KLF12: variants seen among roughly 807,000 people sequenced by gnomAD.
The protein encoded by KLF12 is Krueppel-like factor 12.
A neutral mutation model predicts 37.8 loss-of-function variants in KLF12; 9 were observed. The ratio of observed to expected loss-of-function variants is 0.24; its 90% confidence interval spans 0.14 to 0.42. KLF12 has a LOEUF of 0.42. Among genes scored for constraint, KLF12 ranks in the 10% least tolerant of loss-of-function variants. The pLI, the probability that KLF12 is intolerant of heterozygous loss-of-function variation, is 1.00. For synonymous variants in KLF12, 208 were observed against 202.1 expected (o/e 1.03, Z -0.25); for missense variants, 411 against 516.0 (o/e 0.80, Z 1.97).
the KLF12 span, among the ~76,000 whole-genome samples, chr13:74,220,513 T>C: frequency 2.0e-5 from 3 of 152,248 alleles, no homozygotes; most frequent in Admixed American, 6.5e-5. Context: ...TTAGCTCACA[T>C]ACCTATCATT....
chr13:73,949,515 T>C (rs1454547189), intron 2 of KLF12, among the ~76,000 whole-genome samples: 1 of 152,244 alleles, frequency 6.6e-6, no homozygotes, highest in African/African-American at 2.4e-5. Flanking sequence ...ATCTCATAAT[T>C]AATTTAGCCA....
intron 1 of KLF12, among the ~76,000 whole-genome samples, chr13:74,105,196 TAAGA>T (rs1876586152): frequency 6.6e-6 from 1 of 152,216 alleles, no homozygotes; most frequent in Non-Finnish European, 1.5e-5. Context: ...TGACGGTCTA[TAAGA>T]AAGATCTGGA....
Position 74,071,938 on chromosome 13 carries a change from T to C in KLF12, c.-32+61801A>G, listed in dbSNP as rs751648286. 3.3e-5 allele frequency among the ~76,000 whole-genome samples: 5 copies of C among 152,122 alleles called. No homozygotes were observed. In the East Asian group the frequency reaches 5.8e-4, roughly 18 times the overall value. ...TTAACAGAAGAGTGTTAGTGTAATG[T>C]AATGAATAGCATCTTCTAAATTTTC... On this transcript the variant is annotated intron_variant, in intron 1 of 7. Transcript: ENST00000377669.
At chr13:73,747,110 C>A (rs1292029486) in intron 6 of KLF12, among the ~76,000 whole-genome samples, 1 of 152,158 alleles carries the variant, frequency 6.6e-6, no homozygotes, top group South Asian at 2.1e-4. Flanking sequence ...AGCCACTACT[C>A]CTGGCATTTT....
chr13:74,074,607 C>T (rs750147627), intron 1 of KLF12, among the ~76,000 whole-genome samples: 4 of 152,104 alleles, frequency 2.6e-5, no homozygotes, highest in Admixed American at 6.6e-5. Flanking sequence ...AATACCATCA[C>T]ATTGGCCATG....
At chr13:73,803,513 C>T (rs1041328306) in intron 5 of KLF12, among the ~76,000 whole-genome samples, 2 of 152,108 alleles carry the variant, frequency 1.3e-5, no homozygotes, top group Non-Finnish European at 2.9e-5. Context: ...ATCCTTCTTG[C>T]TTCACCACCA....
chr13:73,925,047 A>AG (rs1157587800), intron 3 of KLF12, among the ~76,000 whole-genome samples: 5 of 152,222 alleles, frequency 3.3e-5, no homozygotes, highest in Non-Finnish European at 7.3e-5. Context: ...ATGAGGTTTA[A>AG]GGACAGAAAC....
the KLF12 span, among the ~76,000 whole-genome samples, chr13:74,278,490 C>A: frequency 6.6e-6 from 1 of 152,140 alleles, no homozygotes; most frequent in African/African-American, 2.4e-5. Context: ...ATCTGTCAGC[C>A]TAGGTTTTGC....
intron 1 of KLF12, among the ~76,000 whole-genome samples, chr13:74,108,208 A>G (rs1566215831): frequency 6.6e-6 from 1 of 151,818 alleles, no homozygotes; most frequent in African/African-American, 2.4e-5. Context: ...TGCAATAGCA[A>G]TAATAATAAT....
chr13:73,850,149 CTAAAGA>C lies in KLF12; in HGVS notation c.124-3782_124-3777del, dbSNP rs1427824898. ...CATTAAAAACAATGTGTGTGAAAAC[CTAAAGA>C]TAAACATAAGGATTATGCTGTCACA... On this transcript the variant is annotated intron_variant, in intron 3 of 7. Transcript: ENST00000377669. Among the ~76,000 whole-genome samples, 9 of 152,104 alleles carry C rather than the reference CTAAAGA, an allele frequency of 5.9e-5. No individual in the cohort carries two copies. In the East Asian group the frequency reaches 1.5e-3, roughly 26 times the overall value.
intron 1 of KLF12, among the ~76,000 whole-genome samples, chr13:74,076,355 T>C (rs978580288): frequency 2.0e-5 from 3 of 152,192 alleles, no homozygotes; most frequent in African/African-American, 7.2e-5. Flanking sequence ...CTCACAATTC[T>C]GGAGGCTGGA....
intron 1 of KLF12, among the ~76,000 whole-genome samples, chr13:73,997,136 C>CA (rs1892143707): frequency 6.6e-6 from 1 of 152,126 alleles, no homozygotes; most frequent in Admixed American, 6.6e-5. Context: ...AGAGAGTGTT[C>CA]AAGATTCATC....
At chr13:74,264,887 TA>T in the KLF12 span, among the ~76,000 whole-genome samples, 57 of 152,198 alleles carry the variant, frequency 3.7e-4, no homozygotes, top group African/African-American at 1.3e-3. Context: ...TAGGTTAGTC[TA>T]TTTTTTTTTC....
intron 7 of KLF12, among the ~76,000 whole-genome samples, chr13:73,699,196 C>T (rs1205705442): frequency 7.4e-6 from 1 of 134,684 alleles, no homozygotes; most frequent in African/African-American, 2.7e-5. Flanking sequence ...CCCCCCACCC[C>T]CCCACTGCAA....
the KLF12 span, among the ~76,000 whole-genome samples, chr13:74,146,892 T>C: frequency 6.6e-6 from 1 of 152,336 alleles, no homozygotes; most frequent in South Asian, 2.1e-4. Context: ...TGCACCTACG[T>C]TGACTGACTT....
Position 73,688,576 on chromosome 13 carries a change from T to C in KLF12, c.*6914A>G, listed in dbSNP as rs1179787561. On this transcript the variant is annotated 3_prime_UTR_variant, in exon 8 of 8. Transcript: ENST00000377669. Reference sequence around the variant, plus strand: ...TCAGGCTAAAATGCTACTAAGTATTTGGATGATTTTGGAGCTCCAGGCCAG... The same window carrying C: ...TCAGGCTAAAATGCTACTAAGTATTCGGATGATTTTGGAGCTCCAGGCCAG... 2 of 152,108 alleles carry C rather than the reference T, an allele frequency of 1.3e-5. No individual in the cohort carries two copies. The highest frequency in any genetic ancestry group is 4.8e-5 in the African/African-American group (2 of 41,422). The allele number at this position is 152,108 out of a possible 1,614,324, so 9.4% of individuals were successfully genotyped here.
intron 3 of KLF12, among the ~76,000 whole-genome samples, chr13:73,909,043 T>C (rs973343722): frequency 2.6e-5 from 4 of 152,130 alleles, no homozygotes; most frequent in Non-Finnish European, 4.4e-5. Context: ...AGATCGCCCT[T>C]CTCCAGTAGT....
At chr13:74,035,255 C>G (rs1367180299) in intron 1 of KLF12, among the ~76,000 whole-genome samples, 1 of 152,172 alleles carries the variant, frequency 6.6e-6, no homozygotes, top group Non-Finnish European at 1.5e-5. Flanking sequence ...CATATAATGC[C>G]TAATACAATG....
At chr13:73,903,051 A>C (rs1888108667) in intron 3 of KLF12, among the ~76,000 whole-genome samples, 1 of 152,246 alleles carries the variant, frequency 6.6e-6, no homozygotes, top group Admixed American at 6.5e-5. Context: ...TTATCTTTAT[A>C]ATTATTTTGA....
Sources: allele counts gnomAD v4.1 joint callset (sites outside exome capture counted in the v4.1 genomes callset), GRCh38; gene constraint gnomAD v4.1.1; transcripts MANE v1.5; gene names NCBI Gene and HGNC (gene_info 2026-07-23, HGNC 2026-07-21).